LMX1A: variants seen among roughly 807,000 people sequenced by gnomAD.
LMX1A encodes LIM homeobox transcription factor 1-alpha.
In LMX1A, 15 loss-of-function variants were observed where a neutral mutation model predicts 49.1. The ratio of observed to expected loss-of-function variants is 0.31; its 90% CI spans 0.20 to 0.47. The LOEUF (loss-of-function observed/expected upper bound fraction) is 0.47. Ranked by LOEUF, LMX1A falls within the 20% of genes least tolerant of loss-of-function variation. The probability of loss-of-function intolerance (pLI) is 1.00; values close to 1 mark genes in which losing one functional copy is unlikely to be tolerated. For missense variants in LMX1A, 372 were observed against 475.8 expected, an observed-to-expected ratio of 0.78 and a Z score of 2.03; for synonymous variants, 167 against 185.7, an observed-to-expected ratio of 0.90 and a Z score of 0.82.
chr1:165,332,585 C>A (rs1655780274), intron 3 of LMX1A, among the ~76,000 whole-genome samples: 1 of 151,978 alleles, frequency 6.6e-6, no homozygotes, highest in South Asian at 2.1e-4. Context: ...TTTTTATGTT[C>A]AGGATACAAT....
intron 3 of LMX1A, among the ~76,000 whole-genome samples, chr1:165,306,171 C>A (rs748913587): frequency 2.1e-4 from 32 of 152,182 alleles, no homozygotes; most frequent in Non-Finnish European, 4.4e-4. Flanking sequence ...CCCACCTGTT[C>A]ATCTAGTCTC....
At position 165,249,478 on chromosome 1, in the gene LMX1A, C is replaced by A. The variant is rs1652975050; in HGVS notation, c.426G>T (p.Leu142=). Residue 142 remains leucine (L), a synonymous_variant, in exon 4 of 9, where the codon CTG becomes CTT. Coordinates refer to ENST00000342310, the MANE Select transcript of LMX1A (RefSeq NM_177398.4). ...CCTTCTCATAGTCCCCTTTGCAGAGCAGCTGCCCCTCCTTCAGGACAAACT... is the reference window on the plus strand; with the variant it reads ...CCTTCTCATAGTCCCCTTTGCAGAGAAGCTGCCCCTCCTTCAGGACAAACT... ...GDEFVLKEGQ[L]LCKGDYEKER... is the part of the protein sequence containing the mutation. The A allele has an allele frequency of 1.2e-6, 2 of 1,614,084 alleles. No homozygotes were observed. Among genetic ancestry groups the A allele is most frequent in the Non-Finnish European group, 1.7e-6 (2 of 1,180,042 alleles).
intron 3 of LMX1A, among the ~76,000 whole-genome samples, chr1:165,281,465 C>T (rs548945505): frequency 1.4e-4 from 21 of 152,130 alleles, no homozygotes; most frequent in Non-Finnish European, 2.8e-4. Flanking sequence ...AACGTGGAGT[C>T]CAGGAAACAC....
chr1:165,210,182 G>A (rs376659507), intron 6 of LMX1A, among the ~76,000 whole-genome samples: 25 of 152,336 alleles, frequency 1.6e-4, no homozygotes, highest in African/African-American at 5.8e-4. Flanking sequence ...AGATGAATGA[G>A]CAAAAGGTCT....
intron 3 of LMX1A, among the ~76,000 whole-genome samples, chr1:165,288,548 C>CAGCCAAG (rs1654364328): frequency 6.6e-6 from 1 of 152,142 alleles, no homozygotes; most frequent in Non-Finnish European, 1.5e-5. Context: ...GTCCTGCAAG[C>CAGCCAAG]AGCCAAGATG....
intron 3 of LMX1A, among the ~76,000 whole-genome samples, chr1:165,280,541 C>T (rs2101705273): frequency 6.6e-6 from 1 of 152,234 alleles, no homozygotes; most frequent in East Asian, 1.9e-4. Flanking sequence ...TTCTACAGTC[C>T]CAAAAATTCA....
At chr1:165,262,954 T>A (rs1041600198) in intron 3 of LMX1A, among the ~76,000 whole-genome samples, 1 of 152,210 alleles carries the variant, frequency 6.6e-6, no homozygotes, top group Non-Finnish European at 1.5e-5. Context: ...CCACAGTGTT[T>A]AGTCCTCATT....
intron 3 of LMX1A, among the ~76,000 whole-genome samples, chr1:165,283,347 C>G (rs1279009709): frequency 6.6e-6 from 1 of 152,220 alleles, no homozygotes; most frequent in Admixed American, 6.5e-5. Flanking sequence ...GTTCACATGA[C>G]AGAATCTCCT....
chr1:165,324,817 G>C (rs887987385), intron 3 of LMX1A, among the ~76,000 whole-genome samples: 6 of 152,246 alleles, frequency 3.9e-5, no homozygotes, highest in African/African-American at 1.4e-4. Context: ...CTTAAGCCCA[G>C]GTTTTCTGAC....
At chr1:165,280,569 T>A (rs1654115516) in intron 3 of LMX1A, among the ~76,000 whole-genome samples, 1 of 152,252 alleles carries the variant, frequency 6.6e-6, no homozygotes. Flanking sequence ...GAATTTTCTT[T>A]GGCTTTGCGA....
chr1:165,347,607 A>C (rs1656290432), intron 3 of LMX1A, among the ~76,000 whole-genome samples: 1 of 152,276 alleles, frequency 6.6e-6, no homozygotes, highest in Admixed American at 6.5e-5. Flanking sequence ...CTAAGGTTTC[A>C]GAGTTAGGGC....
Position 165,355,396 on chromosome 1 carries a change from C to T in LMX1A, c.76+88G>A. ...TGAAGAGGGGCGCTAGCTTCCCTAT[C>T]GCGGACCAGGTCCCAGAGAGCGGGG... is the stretch of plus-strand genomic sequence containing the variant. On this transcript the variant is annotated intron_variant, in intron 2 of 8. Transcript: ENST00000342310. This position sits in a 1 kb window ranked among gnomAD's most constrained non-coding sequence, Gnocchi z 4.7. The T allele has an allele frequency of 1.5e-6, 2 of 1,303,560 alleles. No individual in the cohort carries two copies. Among genetic ancestry groups the T allele is most frequent in the South Asian group, 1.2e-5 (1 of 80,512 alleles). The allele number at this position is 1,303,560 out of a possible 1,614,324, so 80.7% of individuals were successfully genotyped here. A position where few individuals can be genotyped will look rare whatever the true frequency, so the allele number is the denominator to read the frequency against.
intron 3 of LMX1A, among the ~76,000 whole-genome samples, chr1:165,275,836 G>GGTGTGT (rs71661277): frequency 1.2e-4 from 16 of 128,350 alleles, no homozygotes; most frequent in East Asian, 5.2e-4. Context: ...ATGGCGCTGG[G>GGTGTGT]GTGTGTGTGT....
chr1:165,218,973 TG>T (rs1223357765), intron 4 of LMX1A: 3 of 152,208 alleles, frequency 2.0e-5, no homozygotes, highest in Non-Finnish European at 4.4e-5. Context: ...TGACTCCTAG[TG>T]GGGAAGTCCA....
At chr1:165,302,569 C>T (rs1654813074) in intron 3 of LMX1A, among the ~76,000 whole-genome samples, 1 of 152,172 alleles carries the variant, frequency 6.6e-6, no homozygotes. Flanking sequence ...TCATTCACTA[C>T]CCTTTGCAAT....
chr1:165,226,872 G>T (rs1162528239), intron 4 of LMX1A, among the ~76,000 whole-genome samples: 4 of 152,284 alleles, frequency 2.6e-5, no homozygotes, highest in Admixed American at 2.6e-4. Context: ...CCATCATCAT[G>T]TATTCATCTA....
chr1:165,268,641 C>T (rs950212753), intron 3 of LMX1A, among the ~76,000 whole-genome samples: 4 of 152,196 alleles, frequency 2.6e-5, no homozygotes, highest in African/African-American at 7.2e-5. Flanking sequence ...GGTCTGGATT[C>T]GAGGCCCCAC....
At chr1:165,266,917 TGC>T (rs1653643737) in intron 3 of LMX1A, among the ~76,000 whole-genome samples, 2 of 152,044 alleles carry the variant, frequency 1.3e-5, no homozygotes, top group African/African-American at 2.4e-5. Flanking sequence ...CTTGCTTGCT[TGC>T]TTGCTTTCTC....
intron 4 of LMX1A, among the ~76,000 whole-genome samples, chr1:165,233,217 G>A (rs1652299476): frequency 6.6e-6 from 1 of 152,200 alleles, no homozygotes; most frequent in African/African-American, 2.4e-5. Context: ...CACTATGGAA[G>A]GCTAAGGTGA....
Sources: gnomAD v4.1 joint callset for allele counts (sites outside exome capture counted in the v4.1 genomes callset) on GRCh38, gnomAD v4.1.1 for gene constraint, Gnocchi (gnomAD v3.1) non-coding constraint, MANE v1.5 for transcripts, NCBI Gene and HGNC (gene_info 2026-07-23, HGNC 2026-07-21) for gene names.